Variants in NIPAL2 observed in about 807,000 individuals in gnomAD.
NIPAL2 encodes the protein NIPA-like protein 2.
Under a neutral mutation model 48.9 loss-of-function variants are expected in NIPAL2, and 43 were observed. The observed-to-expected ratio is 0.88, with a 90% CI of 0.69 to 1.13. The LOEUF (loss-of-function observed/expected upper bound fraction) is 1.13, where lower values mean the gene tolerates loss of function less well. Among genes scored for constraint, NIPAL2 ranks in the 50% most tolerant of loss-of-function variants. The pLI, the probability that NIPAL2 is intolerant of heterozygous loss-of-function variation, is 0.00. For missense variants in NIPAL2, 446 were observed against 461.4 expected, an observed-to-expected ratio of 0.97 and a Z score of 0.31; for synonymous variants, 167 against 174.6, an observed-to-expected ratio of 0.96 and a Z score of 0.34.
At position 98,192,187 on chromosome 8, in the gene NIPAL2, A is replaced by T. The variant is rs1810328401; in HGVS notation, c.*791T>A. 1 of 152,260 alleles carries T rather than the reference A, an allele frequency of 6.6e-6. No individual in the cohort carries two copies. Among genetic ancestry groups the T allele is most frequent in the Non-Finnish European group, 1.5e-5 (1 of 68,044 alleles). The allele number at this position is 152,260 out of a possible 1,614,324, so 9.4% of individuals were successfully genotyped here. A position where few individuals can be genotyped will look rare whatever the true frequency, so the allele number is the denominator to read the frequency against. On this transcript the variant is annotated 3_prime_UTR_variant, in exon 11 of 11. Coordinates refer to ENST00000430223, the MANE Select transcript of NIPAL2 (RefSeq NM_001321635.2). ...ATTCTAGATTTTTATTAAAAAATAAACAAACATTAGTCCTACTTTTTGTCT... is the reference window on the plus strand; with the variant it reads ...ATTCTAGATTTTTATTAAAAAATAATCAAACATTAGTCCTACTTTTTGTCT...
chr8:98,278,644 G>C (rs1586474506), intron 1 of NIPAL2, among the ~76,000 whole-genome samples: 1 of 152,204 alleles, frequency 6.6e-6, no homozygotes, highest in East Asian at 1.9e-4. Flanking sequence ...TTCTCCACTA[G>C]ACTATAAGCT....
chr8:98,242,688 A>G (rs377169680), intron 3 of NIPAL2, among the ~76,000 whole-genome samples: 36 of 151,722 alleles, frequency 2.4e-4, no homozygotes, highest in South Asian at 1.9e-3. Context: ...GTTTCACTAT[A>G]TTGGCCAGGC....
chr8:98,225,185 A>T (rs79681483), intron 4 of NIPAL2, among the ~76,000 whole-genome samples: 1 of 152,162 alleles, frequency 6.6e-6, no homozygotes, highest in Admixed American at 6.5e-5. Context: ...TTTTTATTTC[A>T]GCTATCTGCA....
intron 1 of NIPAL2, among the ~76,000 whole-genome samples, chr8:98,288,563 G>A (rs993934725): frequency 1.3e-5 from 2 of 150,986 alleles, no homozygotes; most frequent in African/African-American, 4.9e-5. Flanking sequence ...CCCAGTAATG[G>A]GATGGCTGGG....
intron 5 of NIPAL2, among the ~76,000 whole-genome samples, chr8:98,221,627 T>C (rs1811889790): frequency 6.6e-6 from 1 of 152,198 alleles, no homozygotes; most frequent in Non-Finnish European, 1.5e-5. Flanking sequence ...ACATGTGCCA[T>C]GGTGATTTGC....
chr8:98,274,837 C>T (rs1292124812), intron 1 of NIPAL2, among the ~76,000 whole-genome samples: 1 of 151,906 alleles, frequency 6.6e-6, no homozygotes, highest in Non-Finnish European at 1.5e-5. Flanking sequence ...CTTGGTTTTC[C>T]TTTGCATCCC....
intron 5 of NIPAL2, 27 bp from the exon 6 acceptor site, chr8:98,212,528 T>A: frequency 8.9e-7 from 1 of 1,120,624 alleles, no homozygotes; most frequent in Non-Finnish European, 1.3e-6. Context: ...TGGAAAAGAG[T>A]AAGTTATTCT....
At chr8:98,291,778 C>A (rs1468317258) in intron 1 of NIPAL2, among the ~76,000 whole-genome samples, 1 of 152,236 alleles carries the variant, frequency 6.6e-6, no homozygotes, top group Non-Finnish European at 1.5e-5. Context: ...CACACAGCGT[C>A]TGAGTAGTGC....
chr8:98,204,558 T>C (rs988008267), intron 7 of NIPAL2, among the ~76,000 whole-genome samples: 2 of 152,070 alleles, frequency 1.3e-5, no homozygotes, highest in Non-Finnish European at 2.9e-5. Context: ...AAACGTTCCA[T>C]GTCACCACTA....
chr8:98,268,485 G>A (rs1161429445), intron 1 of NIPAL2, among the ~76,000 whole-genome samples: 1 of 152,050 alleles, frequency 6.6e-6, no homozygotes, highest in Non-Finnish European at 1.5e-5. Context: ...GCTGGGTATG[G>A]TGGTGCATGT....
At chr8:98,215,734 T>C (rs1811543952) in intron 5 of NIPAL2, among the ~76,000 whole-genome samples, 2 of 152,142 alleles carry the variant, frequency 1.3e-5, no homozygotes, top group Non-Finnish European at 2.9e-5. Flanking sequence ...TTGTATTAGG[T>C]TGGTGGGTTG....
chr8:98,268,254 T>C (rs1814895503), intron 1 of NIPAL2, among the ~76,000 whole-genome samples: 1 of 152,144 alleles, frequency 6.6e-6, no homozygotes, highest in Admixed American at 6.5e-5. Flanking sequence ...TTTTTTTTGG[T>C]AATATATGTG....
intron 1 of NIPAL2, among the ~76,000 whole-genome samples, chr8:98,257,687 G>A (rs1400300266): frequency 6.6e-6 from 1 of 152,008 alleles, no homozygotes; most frequent in Non-Finnish European, 1.5e-5. Flanking sequence ...TAAGACTCAG[G>A]CACCTTTTTA....
intron 3 of NIPAL2, among the ~76,000 whole-genome samples, chr8:98,245,891 A>G (rs1423980736): frequency 1.3e-5 from 2 of 152,254 alleles, no homozygotes; most frequent in African/African-American, 4.8e-5. Flanking sequence ...ACGCAAAAGC[A>G]GATAACTCAT....
At chr8:98,291,209 A>T (rs1348535756) in intron 1 of NIPAL2, among the ~76,000 whole-genome samples, 1 of 152,078 alleles carries the variant, frequency 6.6e-6, no homozygotes, top group Non-Finnish European at 1.5e-5. Flanking sequence ...CCCAAACCAT[A>T]TTTCTACCTT....
Position 98,194,819 on chromosome 8 carries a change from A to G in NIPAL2, c.948T>C (p.Cys316=). ...AAAATACACCAAGGAATGACAGAAAACACCTGTAAGGATAATATTAATAAA... is the reference window on the plus strand; with the variant it reads ...AAAATACACCAAGGAATGACAGAAAGCACCTGTAAGGATAATATTAATAAA... The part of the protein sequence containing the change: ...FLTVFIYLFG[C]FLSFLGVFLV... Residue 316 remains cysteine, a synonymous_variant, in exon 10 of 11, where the codon TGT becomes TGC. Transcript: ENST00000430223. The G allele has an allele frequency of 6.4e-7, 1 of 1,552,726 alleles. No homozygotes were observed. Among genetic ancestry groups the G allele is most frequent in the Non-Finnish European group, 8.7e-7 (1 of 1,151,568 alleles).
chr8:98,264,369 A>G (rs1814570575), intron 1 of NIPAL2, among the ~76,000 whole-genome samples: 1 of 139,768 alleles, frequency 7.2e-6, no homozygotes, highest in African/African-American at 2.7e-5. Flanking sequence ...ATGATTGTAT[A>G]TCTAGAAAAC....
At position 98,192,874 on chromosome 8, in the gene NIPAL2, A is replaced by G. The variant is rs940025010; in HGVS notation, c.*104T>C. ...GGGGGAAAGGACTGAAATGAATGCT[A>G]GCACATGTTAGCTTATAAAAGAGCT... On this transcript the variant is annotated 3_prime_UTR_variant, in exon 11 of 11. Transcript: ENST00000430223. 34 of 721,632 alleles carry G rather than the reference A, an allele frequency of 4.7e-5. No homozygotes were observed. The highest frequency in any genetic ancestry group is 7.9e-5 in the Non-Finnish European group (32 of 405,522). The allele number at this position is 721,632 out of a possible 1,614,324, so 44.7% of individuals were successfully genotyped here. A position where few individuals can be genotyped will look rare whatever the true frequency, so the allele number is the denominator to read the frequency against.
intron 1 of NIPAL2, among the ~76,000 whole-genome samples, chr8:98,264,304 A>G (rs577300690): frequency 4.0e-5 from 5 of 125,836 alleles, no homozygotes; most frequent in Non-Finnish European, 8.3e-5. Flanking sequence ...AGAAGGAAAT[A>G]AAGGGTATTC....
Sources: gnomAD v4.1 joint callset for allele counts (sites outside exome capture counted in the v4.1 genomes callset) on GRCh38, gnomAD v4.1.1 for gene constraint, MANE v1.5 for transcripts, NCBI Gene and HGNC (gene_info 2026-07-23, HGNC 2026-07-21) for gene names.